Variants in ZC3H12B observed in about 807,000 individuals in gnomAD.
ZC3H12B encodes zinc finger CCCH-type containing 12B.
A neutral mutation model predicts 43.9 loss-of-function variants in ZC3H12B; 7 were observed. The ratio of observed to expected loss-of-function variants is 0.16; its 90% confidence interval spans 0.09 to 0.30. The LOEUF (loss-of-function observed/expected upper bound fraction) is 0.30. Among genes scored for constraint, ZC3H12B ranks in the 10% least tolerant of loss-of-function variants. The pLI is 1.00. For synonymous variants in ZC3H12B, 222 were observed against 241.7 expected (o/e 0.92, Z 0.76); for missense variants, 475 against 670.2 (o/e 0.71, Z 3.22).
At chrX:65,090,762 G>C in the ZC3H12B span, among the ~76,000 whole-genome samples, 3 of 111,533 alleles carry the variant, frequency 2.7e-5, no homozygotes, top group East Asian at 8.6e-4. Flanking sequence ...AGTCCTACCT[G>C]TATCTCATAC....
the ZC3H12B span, among the ~76,000 whole-genome samples, chrX:65,241,460 G>T: frequency 9.0e-6 from 1 of 110,961 alleles, no homozygotes; most frequent in Non-Finnish European, 1.9e-5. Flanking sequence ...CCCTCCTGGG[G>T]GCTTCATCCC....
At chrX:65,168,139 T>G in the ZC3H12B span, among the ~76,000 whole-genome samples, 2 of 111,698 alleles carry the variant, frequency 1.8e-5, no homozygotes, top group Non-Finnish European at 3.8e-5. Context: ...TGCTTCCAGT[T>G]TTTGCCCATT....
chrX:65,376,774 C>T (rs2066352638), intron 2 of ZC3H12B, among the ~76,000 whole-genome samples: 1 of 111,230 alleles, frequency 9.0e-6, no homozygotes, highest in African/African-American at 3.3e-5. Context: ...CTTTCAAATA[C>T]CCAGAAAGCC....
chrX:65,408,042 T>G, intron 3 of ZC3H12B: 1 of 1,151,267 alleles, frequency 8.7e-7, no homozygotes, highest in Non-Finnish European at 1.2e-6. Flanking sequence ...GACCGGAGAA[T>G]TGAGTTGCCG....
At chrX:65,265,744 T>A in the ZC3H12B span, among the ~76,000 whole-genome samples, 21 of 112,042 alleles carry the variant, frequency 1.9e-4, no homozygotes, top group Middle Eastern at 9.2e-3. Flanking sequence ...TGTTTGTAAC[T>A]TTCTGCTTCT....
the ZC3H12B span, among the ~76,000 whole-genome samples, chrX:65,122,830 G>C: frequency 9.0e-6 from 1 of 111,608 alleles, no homozygotes; most frequent in Non-Finnish European, 1.9e-5. Flanking sequence ...AACAGGAAGA[G>C]CTAACTATCC....
exon 5 of ZC3H12B, chrX:65,502,387 A>G: frequency 2.5e-6 from 3 of 1,211,201 alleles, no homozygotes; most frequent in Non-Finnish European, 3.4e-6. Flanking sequence ...TGCATAACCG[A>G]GAGTATTACA....
At chrX:65,054,281 T>C in the ZC3H12B span, among the ~76,000 whole-genome samples, 6 of 111,948 alleles carry the variant, frequency 5.4e-5, no homozygotes, top group Admixed American at 5.7e-4. Flanking sequence ...GAATTAATTT[T>C]TGTATAAGGT....
At chrX:65,331,789 C>A in the ZC3H12B span, among the ~76,000 whole-genome samples, 1 of 110,804 alleles carries the variant, frequency 9.0e-6, no homozygotes, top group Non-Finnish European at 1.9e-5. Context: ...GTGTTTCTTC[C>A]ATTTTTAGAA....
At position 65,432,112 on chromosome X, in the gene ZC3H12B, C is replaced by T. The variant is rs147559902; in HGVS notation, n.407+33408C>T. ...GAGTAGACACCATGGGTATTAGGGC[C>T]ACTTTTTTATATAACTTACTTATGC... On this transcript the variant is annotated intron_variant and non_coding_transcript_variant, in intron 3 of 5. Coordinates refer to the ZC3H12B transcript ENST00000617377. Among the ~76,000 whole-genome samples the T allele has an allele frequency of 6.7e-3, 747 of 111,767 alleles. 9 individuals carry two copies. The highest frequency in any genetic ancestry group is 0.023 in the African/African-American group (702 of 30,741).
At chrX:65,269,317 C>G in the ZC3H12B span, among the ~76,000 whole-genome samples, 1 of 107,835 alleles carries the variant, frequency 9.3e-6, no homozygotes, top group Non-Finnish European at 1.9e-5. Flanking sequence ...TGCACTCCAG[C>G]CTGGCGACAG....
At chrX:65,184,823 C>A in the ZC3H12B span, among the ~76,000 whole-genome samples, 2 of 111,499 alleles carry the variant, frequency 1.8e-5, no homozygotes, top group Non-Finnish European at 3.8e-5. Context: ...TGTAGCCCAT[C>A]AGCAATAGAT....
chrX:65,464,138 A>T (rs769710531), intron 3 of ZC3H12B, among the ~76,000 whole-genome samples: 7 of 112,338 alleles, frequency 6.2e-5, no homozygotes, highest in Non-Finnish European at 1.3e-4. Flanking sequence ...TTTTGCTCCC[A>T]ATGGGAGATG....
the ZC3H12B span, among the ~76,000 whole-genome samples, chrX:65,229,198 G>A: frequency 9.0e-6 from 1 of 110,708 alleles, no homozygotes; most frequent in Non-Finnish European, 1.9e-5. Context: ...ATAGATCAAT[G>A]GAACACAACA....
chrX:65,471,065 A>G lies in ZC3H12B; in HGVS notation n.408-17581A>G, dbSNP rs773509195. ...GGTCCATTTGCTCTAGAGTGCAATT[A>G]AAGTCCAGTGTTTTTTTATTTACTT... On this transcript the variant is annotated intron_variant and non_coding_transcript_variant, in intron 3 of 5. Coordinates refer to the ZC3H12B transcript ENST00000617377. 7.2e-5 allele frequency among the ~76,000 whole-genome samples: 8 copies of G among 111,632 alleles called. No individual in the cohort carries two copies. In the South Asian group the frequency reaches 1.9e-3, roughly 26 times the overall value.
At chrX:65,169,942 G>T in the ZC3H12B span, among the ~76,000 whole-genome samples, 2 of 111,612 alleles carry the variant, frequency 1.8e-5, no homozygotes, top group Admixed American at 1.9e-4. Context: ...CACACGAGAC[G>T]GGTCTCCTGA....
At chrX:65,211,088 G>GAAAAA in the ZC3H12B span, among the ~76,000 whole-genome samples, 4 of 63,374 alleles carry the variant, frequency 6.3e-5, no homozygotes, top group African/African-American at 1.7e-4. Context: ...AAAAAAGAAA[G>GAAAAA]AAAAAAAAAA....
the ZC3H12B span, among the ~76,000 whole-genome samples, chrX:65,310,594 G>A: frequency 8.9e-6 from 1 of 111,895 alleles, no homozygotes; most frequent in Admixed American, 9.5e-5. Context: ...TAGATTCAGT[G>A]CTATCCCCAT....
the ZC3H12B span, among the ~76,000 whole-genome samples, chrX:65,128,705 GTTCAC>G: frequency 8.9e-6 from 1 of 112,053 alleles, no homozygotes; most frequent in South Asian, 3.7e-4. Flanking sequence ...TTCTCCTAGT[GTTCAC>G]TTCACACATT....
Sources: allele counts gnomAD v4.1 joint callset (sites outside exome capture counted in the v4.1 genomes callset), GRCh38; gene constraint gnomAD v4.1.1; transcripts MANE v1.5; gene names NCBI Gene and HGNC (gene_info 2026-07-23, HGNC 2026-07-21).